IRF2BP2: variants seen among roughly 807,000 people sequenced by gnomAD.
IRF2BP2 encodes interferon regulatory factor 2-binding protein 2.
In IRF2BP2, 13 loss-of-function variants were observed where a neutral mutation model predicts 32.7. That is an observed-to-expected ratio of 0.40 (90% CI 0.26 to 0.63). IRF2BP2 has a LOEUF of 0.63. IRF2BP2 is among the 30% of genes least tolerant of loss of function. The pLI is 0.42. For missense variants in IRF2BP2, 980 were observed against 830.6 expected (o/e 1.18, Z -2.21); for synonymous variants, 555 against 384.6 (o/e 1.44, Z -5.18).
chr1:234,607,862 C>A lies in IRF2BP2; in HGVS notation c.1049-10G>T. ...CTTGCTGTTCTTGCAACTGGAAACA[C>A]AAAGAAATAAAAGGAAAAAGGTAAC... is the stretch of plus-strand genomic sequence containing the variant. On this transcript the variant is annotated splice_polypyrimidine_tract_variant and intron_variant, in intron 1 of 1. Coordinates refer to ENST00000366609, the MANE Select transcript of IRF2BP2 (RefSeq NM_182972.3). 1 of 1,539,588 alleles carries A rather than the reference C, an allele frequency of 6.5e-7. No homozygotes were observed.
In IRF2BP2 at chr1:234,607,418, C is replaced by T; in HGVS notation, c.1483G>A (p.Asp495Asn). The part of the protein sequence containing the change: ...LEPVHPASLP[D>N]SSLATSAPLC... Reference sequence around the variant, plus strand: ...GGGGCACTGGTTGCCAGAGAGGAGTCCGGGAGGCTGGCAGGGTGCACTGGC... The same window carrying T: ...GGGGCACTGGTTGCCAGAGAGGAGTTCGGGAGGCTGGCAGGGTGCACTGGC... Residue 495 changes from aspartate to asparagine, a missense_variant, in exon 2 of 2, where the codon GAC (aspartate) becomes AAC (asparagine). Physicochemically the swap from Asp to Asn is conservative, Grantham distance 23 (BLOSUM62 1). Coordinates refer to ENST00000366609, the MANE Select transcript of IRF2BP2 (RefSeq NM_182972.3). 2 of 1,613,988 alleles carry T rather than the reference C, an allele frequency of 1.2e-6. No homozygotes were observed. Among genetic ancestry groups the T allele is most frequent in the South Asian group, 1.1e-5 (1 of 91,084 alleles).
Position 234,604,534 on chromosome 1 carries a change from A to G in IRF2BP2, c.*2603T>C, listed in dbSNP as rs920173060. The stretch of plus-strand genomic sequence containing the variant: ...GGTGGCCAAGGAAAGGTATATAGTA[A>G]AAGTTGTAAACCATGTGTATGTTCT... On this transcript the variant is annotated 3_prime_UTR_variant, in exon 2 of 2. Transcript: ENST00000366609. 2.0e-5 allele frequency: 3 copies of G among 152,210 alleles called. No individual in the cohort carries two copies. Among genetic ancestry groups the G allele is most frequent in the African/African-American group, 7.2e-5 (3 of 41,460 alleles). 9.4% of individuals were successfully genotyped at this position (152,210 alleles called of 1,614,324 possible).
rs1356217305 is a variant in IRF2BP2 at position 234,607,188 on chromosome 1, A to G, written c.1713T>C (p.Ile571=). ...NVPWAFMQGE[I]ATILAGDVKV... Reference sequence around the variant, plus strand: ...TCACATCTCCAGCAAGGATGGTTGCAATTTCCCCTTGCATAAAGGCCCAGG... The same window carrying G: ...TCACATCTCCAGCAAGGATGGTTGCGATTTCCCCTTGCATAAAGGCCCAGG... The change falls in exon 2 of 2, where the codon ATT becomes ATC. Residue 571 remains isoleucine, a synonymous_variant. Coordinates refer to ENST00000366609, the MANE Select transcript of IRF2BP2 (RefSeq NM_182972.3). 2 of 1,613,474 alleles carry G rather than the reference A, an allele frequency of 1.2e-6. No individual in the cohort carries two copies. The highest frequency in any genetic ancestry group is 1.7e-6 in the Non-Finnish European group (2 of 1,179,528).
At chr1:234,608,029 C>A (rs979666489) in intron 1 of IRF2BP2, 177 bp from the exon 2 acceptor site, 1 of 585,794 alleles carries the variant, frequency 1.7e-6, no homozygotes, top group Non-Finnish European at 3.0e-6. Flanking sequence ...AACCTTCAGG[C>A]GTACGGGATT....
chr1:234,605,410 G>GTC lies in IRF2BP2; in HGVS notation c.*1726_*1727insGA, dbSNP rs1285939079. ...GTAAAACATGAATTCTCGCACAGTA[G>GTC]TAATAGGTGCACTCATTAAAAACAC... On this transcript the variant is annotated 3_prime_UTR_variant, in exon 2 of 2. Transcript: ENST00000366609. 6.6e-6 allele frequency: 1 copy of GTC among 152,344 alleles called. No homozygotes were observed. The highest frequency in any genetic ancestry group is 1.9e-4 in the East Asian group (1 of 5,194). 9.4% of individuals were successfully genotyped at this position (152,344 alleles called of 1,614,324 possible).
chr1:234,607,147 C>G lies in IRF2BP2; in HGVS notation c.1754G>C (p.Arg585Thr). ...LAGDVKVKKE[R>T]DS ...CTGAAACCGGAAAAGTCACGAGTCT[C>G]TCTCTTTTTTCACTTTCACATCTCC... is the stretch of plus-strand genomic sequence containing the variant. Residue 585 changes from arginine to threonine, a missense_variant, in exon 2 of 2, where the codon AGA becomes ACA. Physicochemically the swap from Arg to Thr is moderately conservative, Grantham distance 71. Coordinates refer to ENST00000366609, the MANE Select transcript of IRF2BP2 (RefSeq NM_182972.3). 6.2e-7 allele frequency: 1 copy of G among 1,606,580 alleles called. No individual in the cohort carries two copies. Among genetic ancestry groups the G allele is most frequent in the South Asian group, 1.1e-5 (1 of 90,928 alleles).
chr1:234,608,070 C>T, intron 1 of IRF2BP2: 3 of 562,666 alleles, frequency 5.3e-6, no homozygotes, highest in Non-Finnish European at 9.4e-6. Context: ...AAAATGGAGC[C>T]ACTGAAAATG....
In IRF2BP2 at chr1:234,607,536, G is replaced by A. The variant is rs754785028; in HGVS notation, c.1365C>T (p.Ser455=). The change falls in exon 2 of 2, where the codon AGC becomes AGT. Residue 455 remains serine, a synonymous_variant. Transcript: ENST00000366609. ...TAGAGGACGGAGAGGGCGGACTGTT[G>A]CTATTCCTCCTGGTAGTGGAGTGAA... ...NQVHSTTRRN[S]NSPPSPSSMN... is the part of the protein sequence containing the mutation. The A allele has an allele frequency of 2.5e-6, 4 of 1,614,220 alleles. No individual in the cohort carries two copies. The highest frequency in any genetic ancestry group is 1.1e-5 in the South Asian group (1 of 91,084).
chr1:234,608,106 C>T (rs1271183650), intron 1 of IRF2BP2: 5 of 549,874 alleles, frequency 9.1e-6, no homozygotes, highest in South Asian at 5.2e-5. Context: ...CCTGTTTGTA[C>T]ACATGCACAA....
In IRF2BP2 at chr1:234,607,036, A is replaced by G. The variant is rs377527911; in HGVS notation, c.*101T>C. The G allele has an allele frequency of 1.1e-6, 1 of 871,144 alleles. No individual in the cohort carries two copies. Among genetic ancestry groups the G allele is most frequent in the South Asian group, 1.8e-5 (1 of 55,276 alleles). The allele number at this position is 871,144 out of a possible 1,614,324, so 54.0% of individuals were successfully genotyped here. ...TTATACAGCCATGTTTATGAAGTCT[A>G]CATTTCCCTTGTCTTGGATATATAT... is the stretch of plus-strand genomic sequence containing the variant. On this transcript the variant is annotated 3_prime_UTR_variant, in exon 2 of 2. Coordinates refer to ENST00000366609, the MANE Select transcript of IRF2BP2 (RefSeq NM_182972.3).
In IRF2BP2 at chr1:234,608,682, G is replaced by A. The variant is rs748396354; in HGVS notation, c.813C>T (p.Asp271=). Residue 271 remains aspartate (D), a synonymous_variant, in exon 1 of 2, where the codon GAC becomes GAT. Coordinates refer to ENST00000366609, the MANE Select transcript of IRF2BP2 (RefSeq NM_182972.3). ...CGGCCCCGGCCGCGGTGGACAGGCTGTCGGCCGGGCCCCGGTGCGCAGGCG... is the reference window on the plus strand; with the variant it reads ...CGGCCCCGGCCGCGGTGGACAGGCTATCGGCCGGGCCCCGGTGCGCAGGCG... ...PPPPAHRGPA[D]SLSTAAGAAE... 3 of 1,512,690 alleles carry A rather than the reference G, an allele frequency of 2.0e-6. No individual in the cohort carries two copies. Among genetic ancestry groups the A allele is most frequent in the South Asian group, 2.5e-5 (2 of 80,006 alleles). The allele number at this position is 1,512,690 out of a possible 1,614,324, so 93.7% of individuals were successfully genotyped here.
Position 234,606,967 on chromosome 1 carries a change from T to C in IRF2BP2, c.*170A>G, listed in dbSNP as rs1672179303. On this transcript the variant is annotated 3_prime_UTR_variant, in exon 2 of 2. Coordinates refer to ENST00000366609, the MANE Select transcript of IRF2BP2 (RefSeq NM_182972.3). ...CTTTATAAGTACATACCTTTTGTCG[T>C]CAAAAAAAATATAGAAACACAATGT... 1 of 558,702 alleles carries C rather than the reference T, an allele frequency of 1.8e-6. No individual in the cohort carries two copies. The highest frequency in any genetic ancestry group is 2.2e-5 in the African/African-American group (1 of 45,154). 34.6% of individuals were successfully genotyped at this position (558,702 alleles called of 1,614,324 possible).
rs746344470 is a variant in IRF2BP2 at position 234,607,619 on chromosome 1, G to A, written c.1282C>T (p.Leu428=). ...AQNGQSPMAA[L]ILVADNAGGS... ...CCTGCATTGTCTGCTACTAAGATCA[G>A]GGCTGCCATGGGGGACTGGCCATTC... The change falls in exon 2 of 2, where the codon CTG becomes TTG. Residue 428 remains leucine, a synonymous_variant. Coordinates refer to ENST00000366609, the MANE Select transcript of IRF2BP2 (RefSeq NM_182972.3). 1 of 1,614,242 alleles carries A rather than the reference G, an allele frequency of 6.2e-7. No homozygotes were observed. The highest frequency in any genetic ancestry group is 2.2e-5 in the East Asian group (1 of 44,892).
chr1:234,608,106 C>G, intron 1 of IRF2BP2: 2 of 549,992 alleles, frequency 3.6e-6, no homozygotes, highest in Non-Finnish European at 6.4e-6. Flanking sequence ...CCTGTTTGTA[C>G]ACATGCACAA....
In IRF2BP2 at chr1:234,610,124, TCCGCCGCCG is replaced by T. The variant is rs997116983; in HGVS notation, c.-639_-631del. 6.8e-6 allele frequency among the ~76,000 whole-genome samples: 1 copy of T among 147,666 alleles called. No individual in the cohort carries two copies. Among genetic ancestry groups the T allele is most frequent in the African/African-American group, 2.4e-5 (1 of 40,862 alleles). On this transcript the variant is annotated 5_prime_UTR_variant, in exon 1 of 2. Transcript: ENST00000366609. ...GCGTCAGCGGCCAGCCCGCCTCAGC[TCCGCCGCCG>T]CCACCGTCGCTGCTGCTGCTGCCGC...
In IRF2BP2 at chr1:234,608,427, C is replaced by CA. The variant is rs1310738310; in HGVS notation, c.1048+19dup. On this transcript the variant is annotated intron_variant, in intron 1 of 1. Transcript: ENST00000366609. The stretch of plus-strand genomic sequence containing the variant: ...TCCCCTTTTCTCCCCTAGACCCCCT[C>CA]ACTTCACAGCCGCCCCTACCTGCTT... 1 of 1,477,758 alleles carries CA rather than the reference C, an allele frequency of 6.8e-7. No individual in the cohort carries two copies. Among genetic ancestry groups the CA allele is most frequent in the Non-Finnish European group, 9.0e-7 (1 of 1,107,744 alleles). The allele number at this position is 1,477,758 out of a possible 1,614,324, so 91.5% of individuals were successfully genotyped here.
chr1:234,605,800 A>G lies in IRF2BP2; in HGVS notation c.*1337T>C, dbSNP rs1178357010. On this transcript the variant is annotated 3_prime_UTR_variant, in exon 2 of 2. Coordinates refer to ENST00000366609, the MANE Select transcript of IRF2BP2 (RefSeq NM_182972.3). Reference sequence around the variant, plus strand: ...ATGATTTATTGGTTTTAAAAAAATCATTTTACTGATGCAAAATAGTGATCA... The same window carrying G: ...ATGATTTATTGGTTTTAAAAAAATCGTTTTACTGATGCAAAATAGTGATCA... 6.6e-6 allele frequency: 1 copy of G among 152,256 alleles called. No homozygotes were observed. Among genetic ancestry groups the G allele is most frequent in the African/African-American group, 2.4e-5 (1 of 41,462 alleles). The allele number at this position is 152,256 out of a possible 1,614,324, so 9.4% of individuals were successfully genotyped here. A position where few individuals can be genotyped will look rare whatever the true frequency, so the allele number is the denominator to read the frequency against.
Position 234,604,939 on chromosome 1 carries a change from C to A in IRF2BP2, c.*2198G>T, listed in dbSNP as rs1034544327. On this transcript the variant is annotated 3_prime_UTR_variant, in exon 2 of 2. Coordinates refer to ENST00000366609, the MANE Select transcript of IRF2BP2 (RefSeq NM_182972.3). ...GATCTTATTTTTTAATAGTAGTAAC[C>A]ACAATACACAGCTCTTTAAAGCTGT... 4 of 152,174 alleles carry A rather than the reference C, an allele frequency of 2.6e-5. No homozygotes were observed. Among genetic ancestry groups the A allele is most frequent in the African/African-American group, 9.7e-5 (4 of 41,448 alleles). The allele number at this position is 152,174 out of a possible 1,614,324, so 9.4% of individuals were successfully genotyped here.
Position 234,607,350 on chromosome 1 carries a change from A to G in IRF2BP2, c.1551T>C (p.His517=). Reference sequence around the variant, plus strand: ...AAGGGACGGACGGGCACTGCACAAAATGGGTGTCCTCCAGCCGCTCGTGGC... The same window carrying G: ...AAGGGACGGACGGGCACTGCACAAAGTGGGTGTCCTCCAGCCGCTCGTGGC... ...TLCHERLEDT[H]FVQCPSVPSH... The change falls in exon 2 of 2, where the codon CAT becomes CAC. Residue 517 remains histidine, a synonymous_variant. Transcript: ENST00000366609. 6.2e-7 allele frequency: 1 copy of G among 1,614,170 alleles called. No individual in the cohort carries two copies. The highest frequency in any genetic ancestry group is 1.1e-5 in the South Asian group (1 of 91,086).
Sources: gnomAD v4.1 joint callset for allele counts (sites outside exome capture counted in the v4.1 genomes callset) on GRCh38, gnomAD v4.1.1 for gene constraint, MANE v1.5 for transcripts, NCBI Gene and HGNC (gene_info 2026-07-23, HGNC 2026-07-21) for gene names.